SYT6: variants seen among roughly 807,000 people sequenced by gnomAD.
The protein encoded by SYT6 is synaptotagmin-6.
In SYT6, 24 loss-of-function variants were observed where a neutral mutation model predicts 38.4. The ratio of observed to expected loss-of-function variants is 0.62; its 90% CI spans 0.45 to 0.88. SYT6 has a LOEUF of 0.88. SYT6 is among the 40% of genes least tolerant of loss of function. SYT6 has a pLI of 0.00. For missense variants in SYT6, 611 were observed against 621.0 expected, an observed-to-expected ratio of 0.98 and a Z score of 0.17; for synonymous variants, 265 against 241.9, an observed-to-expected ratio of 1.10 and a Z score of -0.89.
intron 3 of SYT6, among the ~76,000 whole-genome samples, chr1:114,111,885 A>AG (rs1676705080): frequency 6.6e-6 from 1 of 151,990 alleles, no homozygotes; most frequent in Non-Finnish European, 1.5e-5. Flanking sequence ...GGGTGCCGAG[A>AG]GGGGGCCCCT....
intron 3 of SYT6, among the ~76,000 whole-genome samples, chr1:114,134,143 G>A (rs1214821906): frequency 2.6e-5 from 4 of 152,090 alleles, no homozygotes; most frequent in African/African-American, 4.8e-5. Context: ...CTCAGCATGC[G>A]GGTCACAGGC....
intron 3 of SYT6, among the ~76,000 whole-genome samples, chr1:114,108,347 A>C (rs1391165621): frequency 3.3e-5 from 5 of 152,208 alleles, no homozygotes; most frequent in Non-Finnish European, 7.3e-5. Flanking sequence ...TACTTGATGC[A>C]GTCACATAGT....
intron 3 of SYT6, among the ~76,000 whole-genome samples, chr1:114,126,146 A>T (rs1387000058): frequency 1.3e-5 from 2 of 152,128 alleles, no homozygotes; most frequent in African/African-American, 4.8e-5. Flanking sequence ...TGGAGCCCAG[A>T]TTTGCATTGA....
chr1:114,100,500 C>T (rs769477383), intron 4 of SYT6, among the ~76,000 whole-genome samples: 9 of 152,236 alleles, frequency 5.9e-5, no homozygotes, highest in South Asian at 2.1e-4. Flanking sequence ...ATCAGAAACT[C>T]CAAGCCTGAA....
intron 4 of SYT6, 49 bp downstream of exon 4, chr1:114,103,552 A>C (rs762723854): frequency 3.7e-6 from 6 of 1,606,180 alleles, no homozygotes; most frequent in Non-Finnish European, 5.1e-6. Flanking sequence ...CACCCTTCCA[A>C]ATCCTAATGT....
At chr1:114,138,256 A>C (rs949728063) in intron 2 of SYT6, among the ~76,000 whole-genome samples, 4 of 152,148 alleles carry the variant, frequency 2.6e-5, no homozygotes, top group Admixed American at 1.3e-4. Flanking sequence ...ATATATGTAA[A>C]GTAGTTGGAA....
intron 4 of SYT6, among the ~76,000 whole-genome samples, chr1:114,099,699 A>G (rs903747021): frequency 1.3e-5 from 2 of 152,234 alleles, no homozygotes; most frequent in African/African-American, 4.8e-5. Context: ...TACCAGAATT[A>G]CAAACCAAAG....
In SYT6 at chr1:114,092,056, G is replaced by A; in HGVS notation, c.*78C>T. 1 of 1,536,294 alleles carries A rather than the reference G, an allele frequency of 6.5e-7. No homozygotes were observed. Among genetic ancestry groups the A allele is most frequent in the Non-Finnish European group, 8.7e-7 (1 of 1,146,910 alleles). ...TCGGAGATGGGCACGAGCTCTCACTGTCGAAGCTAGCAGCTCGGCCCTGCC... is the reference window on the plus strand; with the variant it reads ...TCGGAGATGGGCACGAGCTCTCACTATCGAAGCTAGCAGCTCGGCCCTGCC... On this transcript the variant is annotated 3_prime_UTR_variant, in exon 8 of 8. Coordinates refer to ENST00000610222, the MANE Select transcript of SYT6 (RefSeq NM_001253772.2).
intron 3 of SYT6, among the ~76,000 whole-genome samples, chr1:114,115,056 A>G (rs1387850065): frequency 1.3e-5 from 2 of 152,246 alleles, no homozygotes; most frequent in African/African-American, 2.4e-5. Context: ...TGTTTCAAAG[A>G]TATCTGACAC....
At chr1:114,098,731 T>A (rs1023336024) in intron 5 of SYT6, among the ~76,000 whole-genome samples, 2 of 152,156 alleles carry the variant, frequency 1.3e-5, no homozygotes, top group African/African-American at 2.4e-5. Flanking sequence ...TGCACAGCCA[T>A]CCCAGGGTGA....
chr1:114,097,921 C>G, intron 5 of SYT6, 44 bp from the exon 6 acceptor site: 1 of 1,606,866 alleles, frequency 6.2e-7, no homozygotes, highest in Non-Finnish European at 8.5e-7. Flanking sequence ...CCAGACATGC[C>G]CTCAGAAAAG....
chr1:114,099,958 G>C (rs1675864076), intron 4 of SYT6, among the ~76,000 whole-genome samples: 1 of 152,134 alleles, frequency 6.6e-6, no homozygotes, highest in Admixed American at 6.5e-5. Flanking sequence ...GAATGAGGGA[G>C]CTGTGGCCCG....
intron 3 of SYT6, among the ~76,000 whole-genome samples, chr1:114,111,288 C>A (rs1030286117): frequency 6.6e-6 from 1 of 152,184 alleles, no homozygotes; most frequent in Admixed American, 6.5e-5. Context: ...ATAATCTTCA[C>A]AAAAGCCTTG....
chr1:114,125,542 C>T (rs1253627460), intron 3 of SYT6, among the ~76,000 whole-genome samples: 1 of 151,238 alleles, frequency 6.6e-6, no homozygotes, highest in Admixed American at 6.6e-5. Context: ...CAGTGGATGG[C>T]TGATGAGGAT....
chr1:114,131,045 T>C (rs1678114088), intron 3 of SYT6, among the ~76,000 whole-genome samples: 1 of 152,202 alleles, frequency 6.6e-6, no homozygotes, highest in Admixed American at 6.5e-5. Context: ...ACTGAAATTT[T>C]TTTCAAGCAA....
intron 3 of SYT6, among the ~76,000 whole-genome samples, chr1:114,103,984 T>C (rs1165187150): frequency 6.6e-6 from 1 of 151,940 alleles, no homozygotes; most frequent in African/African-American, 2.4e-5. Flanking sequence ...TGGTCCTTGC[T>C]GTTCTGCTTT....
At chr1:114,127,209 G>A (rs1269961331) in intron 3 of SYT6, among the ~76,000 whole-genome samples, 6 of 152,178 alleles carry the variant, frequency 3.9e-5, no homozygotes, top group Non-Finnish European at 8.8e-5. Context: ...GTGTGTGGAA[G>A]GGTCACCTCT....
chr1:114,122,769 G>C (rs1677495406), intron 3 of SYT6, among the ~76,000 whole-genome samples: 1 of 152,132 alleles, frequency 6.6e-6, no homozygotes. Context: ...CTTTCAGCAG[G>C]AGTTGGAGTT....
At chr1:114,131,400 C>G (rs1678142681) in intron 3 of SYT6, among the ~76,000 whole-genome samples, 1 of 152,190 alleles carries the variant, frequency 6.6e-6, no homozygotes, top group African/African-American at 2.4e-5. Flanking sequence ...ATAGCCTGGC[C>G]TAAAACTTTT....
Sources: gnomAD v4.1 joint callset for allele counts (sites outside exome capture counted in the v4.1 genomes callset) on GRCh38, gnomAD v4.1.1 for gene constraint, MANE v1.5 for transcripts, NCBI Gene and HGNC (gene_info 2026-07-23, HGNC 2026-07-21) for gene names.